The following PCCA variants were observed in gnomAD, a reference collection of about 807,000 sequenced individuals.
PCCA encodes the protein propionyl-CoA carboxylase subunit alpha.
In PCCA, 74 loss-of-function variants were observed where a neutral mutation model predicts 101.3. The ratio of observed to expected loss-of-function variants is 0.73; its 90% confidence interval spans 0.61 to 0.89. The LOEUF (loss-of-function observed/expected upper bound fraction) is 0.89, where lower values mean the gene tolerates loss of function less well. Ranked by LOEUF, PCCA falls within the 40% of genes least tolerant of loss-of-function variation. The probability of loss-of-function intolerance (pLI) is 0.00; values close to 1 mark genes in which losing one functional copy is unlikely to be tolerated. For missense variants in PCCA, 891 were observed against 907.0 expected (o/e 0.98, Z 0.23); for synonymous variants, 294 against 313.6 (o/e 0.94, Z 0.66).
intron 18 of PCCA, among the ~76,000 whole-genome samples, chr13:100,348,760 CT>C (rs1566975995): frequency 1.9e-3 from 149 of 78,338 alleles, no homozygotes; most frequent in African/African-American, 5.5e-3. Context: ...TTCTTTCTTT[CT>C]TTCTTTCTTT....
intron 19 of PCCA, among the ~76,000 whole-genome samples, chr13:100,405,886 C>G (rs1477494838): frequency 6.6e-6 from 1 of 151,036 alleles, no homozygotes; most frequent in Non-Finnish European, 1.5e-5. Context: ...CCTGCCTCAG[C>G]CTCCCGAGTA....
At chr13:100,353,357 C>T (rs548251143) in intron 18 of PCCA, among the ~76,000 whole-genome samples, 1 of 152,260 alleles carries the variant, frequency 6.6e-6, no homozygotes, top group East Asian at 1.9e-4. Context: ...CCAGGCTAGA[C>T]CATATTTACC....
rs189535503 is a variant in PCCA at position 100,394,143 on chromosome 13, A to C, written c.1746+25569A>C. On this transcript the variant is annotated intron_variant, in intron 19 of 23. Transcript: ENST00000376285. The surrounding 1 kb of genome is among the most constrained non-coding windows in gnomAD (Gnocchi z 4.3). ...TTTGAAATGTGTGAGGCGGTTTGAG[A>C]TGCAGCTTCTCAGATGGATTTAATT... Among the ~76,000 whole-genome samples the C allele has an allele frequency of 6.6e-6, 1 of 152,280 alleles. No individual in the cohort carries two copies. Among genetic ancestry groups the C allele is most frequent in the African/African-American group, 2.4e-5 (1 of 41,550 alleles).
intron 12 of PCCA, among the ~76,000 whole-genome samples, chr13:100,283,684 C>A (rs1022534858): frequency 2.0e-5 from 3 of 152,178 alleles, no homozygotes; most frequent in Non-Finnish European, 4.4e-5. Flanking sequence ...CCAAGAGGAA[C>A]AGGCCCAAAA....
rs556168572 is a variant in PCCA, at chr13:100,168,006, G to A, written c.468+10666G>A. On this transcript the variant is annotated intron_variant, in intron 6 of 23. Coordinates refer to ENST00000376285, the MANE Select transcript of PCCA (RefSeq NM_000282.4). ...CCCATGTATTACTAATCCTGCTGAG[G>A]CCGTCTTGGTGTGACCTCCTTCCTC... is the stretch of plus-strand genomic sequence containing the variant. Among the ~76,000 whole-genome samples, 25 of 152,196 alleles carry A rather than the reference G, an allele frequency of 1.6e-4. No individual in the cohort carries two copies. The East Asian group carries it at 4.2e-3, about 26-fold the overall frequency.
intron 21 of PCCA, among the ~76,000 whole-genome samples, chr13:100,478,817 T>C (rs1235584171): frequency 6.6e-6 from 1 of 152,180 alleles, no homozygotes; most frequent in Non-Finnish European, 1.5e-5. Flanking sequence ...AGAATTGCTT[T>C]TTCTACTATA....
intron 20 of PCCA, among the ~76,000 whole-genome samples, chr13:100,447,462 A>G (rs559852808): frequency 6.6e-6 from 1 of 152,146 alleles, no homozygotes; most frequent in South Asian, 2.1e-4. Flanking sequence ...AGCTGAGGCC[A>G]GGAGTTCGAG....
chr13:100,400,627 G>GTTTTTTTTTTTTTTTTTTTTTTTTTTT (rs763331038), intron 19 of PCCA, among the ~76,000 whole-genome samples: 1 of 80,242 alleles, frequency 1.2e-5, no homozygotes, highest in African/African-American at 6.5e-5. Context: ...GTTCTTTTTA[G>GTTTTTTTTTTTTTTTTTTTTTTTTTTT]TTCTTTTTTT....
chr13:100,503,650 T>C (rs1468940454), intron 21 of PCCA, among the ~76,000 whole-genome samples: 2 of 152,244 alleles, frequency 1.3e-5, no homozygotes, highest in East Asian at 3.9e-4. Flanking sequence ...ATGCCTGTAA[T>C]CCCAACACTT....
chr13:100,449,165 G>A lies in PCCA; in HGVS notation c.1846-87G>A, dbSNP rs181916147. Reference sequence around the variant, plus strand: ...TTTGTTTACCCATCCATCAGTTGATGGACATTTGGGTTTTTTGGCTATCGT... The same window carrying A: ...TTTGTTTACCCATCCATCAGTTGATAGACATTTGGGTTTTTTGGCTATCGT... On this transcript the variant is annotated intron_variant, in intron 20 of 23. Transcript: ENST00000376285. The A allele has an allele frequency of 7.2e-5, 53 of 731,160 alleles. No individual in the cohort carries two copies. In the East Asian group the frequency reaches 1.3e-3, roughly 18 times the overall value. 45.3% of individuals were successfully genotyped at this position (731,160 alleles called of 1,614,324 possible). A position where few individuals can be genotyped will look rare whatever the true frequency, so the allele number is the denominator to read the frequency against.
chr13:100,312,455 A>G lies in PCCA; in HGVS notation c.1429+2547A>G, dbSNP rs149659873. On this transcript the variant is annotated intron_variant, in intron 16 of 23. Coordinates refer to ENST00000376285, the MANE Select transcript of PCCA (RefSeq NM_000282.4). ...ACTGGTAATGTCCTGTGTAGGTGAA[A>G]TAAAGGGGATGGGCACGCTCAAGCG... 1.2e-3 allele frequency among the ~76,000 whole-genome samples: 189 copies of G among 152,326 alleles called. 1 individual carries two copies. The highest frequency in any genetic ancestry group is 4.4e-3 in the African/African-American group (181 of 41,568).
intron 7 of PCCA, among the ~76,000 whole-genome samples, chr13:100,227,279 C>T: frequency 6.6e-6 from 1 of 152,106 alleles, no homozygotes; most frequent in East Asian, 1.9e-4. Flanking sequence ...GCCCAGCCCA[C>T]ACCTGAGCTC....
chr13:100,105,659 A>C (rs1340920549), intron 2 of PCCA, among the ~76,000 whole-genome samples: 2 of 49,222 alleles, frequency 4.1e-5, no homozygotes, highest in Non-Finnish European at 7.3e-5. Flanking sequence ...GTCTCTACCA[A>C]AAAAAAAAAA....
chr13:100,226,680 T>C (rs1208190276), intron 7 of PCCA, among the ~76,000 whole-genome samples: 7 of 152,194 alleles, frequency 4.6e-5, no homozygotes, highest in Admixed American at 4.6e-4. Flanking sequence ...GTTAGTTCTA[T>C]GTTATCTAGG....
At position 100,157,349 on chromosome 13, in the gene PCCA, G is replaced by A. The variant is rs2053987728; in HGVS notation, c.468+9G>A. ...AATTTGCCAGATGTTTGGTAAGTTG[G>A]TAATGAACCAGAAACTGTTCATTTC... On this transcript the variant is annotated intron_variant, in intron 6 of 23. Coordinates refer to ENST00000376285, the MANE Select transcript of PCCA (RefSeq NM_000282.4). The A allele has an allele frequency of 6.3e-7, 1 of 1,588,264 alleles. No individual in the cohort carries two copies. Among genetic ancestry groups the A allele is most frequent in the Non-Finnish European group, 8.6e-7 (1 of 1,156,830 alleles).
chr13:100,490,020 T>A (rs1369824718), intron 21 of PCCA: 1 of 152,276 alleles, frequency 6.6e-6, no homozygotes, highest in African/African-American at 2.4e-5. Context: ...GGTGTGTGGT[T>A]CTGGCACTGA....
At chr13:100,166,107 C>T (rs531630075) in intron 6 of PCCA, among the ~76,000 whole-genome samples, 9 of 152,188 alleles carry the variant, frequency 5.9e-5, no homozygotes, top group East Asian at 3.8e-4. Flanking sequence ...GGTGCTCCTT[C>T]GCTGGCTCTT....
chr13:100,093,962 C>T (rs2046513834), intron 1 of PCCA, among the ~76,000 whole-genome samples: 1 of 151,982 alleles, frequency 6.6e-6, no homozygotes, highest in Non-Finnish European at 1.5e-5. Flanking sequence ...GGCACGATGG[C>T]TCATGCCTGT....
chr13:100,512,332 C>T (rs1056290459), intron 21 of PCCA, among the ~76,000 whole-genome samples: 12 of 152,242 alleles, frequency 7.9e-5, no homozygotes, highest in South Asian at 4.1e-4. Flanking sequence ...CTTAGAGACC[C>T]GGGTTCGGGT....
Sources: allele counts gnomAD v4.1 joint callset (sites outside exome capture counted in the v4.1 genomes callset), GRCh38; gene constraint gnomAD v4.1.1; non-coding constraint Gnocchi (gnomAD v3.1); transcripts MANE v1.5; gene names NCBI Gene and HGNC (gene_info 2026-07-23, HGNC 2026-07-21).